Variants in DSCAM observed in about 807,000 individuals in gnomAD.
DSCAM encodes the protein cell adhesion molecule DSCAM.
Under a neutral mutation model 217.7 loss-of-function variants are expected in DSCAM, and 47 were observed. The ratio of observed to expected loss-of-function variants is 0.22; its 90% CI spans 0.17 to 0.28. The LOEUF (loss-of-function observed/expected upper bound fraction) is 0.28, where lower values mean the gene tolerates loss of function less well. Ranked by LOEUF, DSCAM falls within the 10% of genes least tolerant of loss-of-function variation. The pLI, the probability that DSCAM is intolerant of heterozygous loss-of-function variation, is 1.00. For missense variants in DSCAM, 2,080 were observed against 2,618.3 expected (o/e 0.79, Z 4.49); for synonymous variants, 1,056 against 1,015.3 (o/e 1.04, Z -0.76).
chr21:40,373,558 G>A (rs538843302), intron 3 of DSCAM, among the ~76,000 whole-genome samples: 59 of 152,288 alleles, frequency 3.9e-4, no homozygotes, highest in African/African-American at 1.3e-3. Context: ...GATACCCAGG[G>A]AGGAAAACTG....
At chr21:40,382,469 A>C (rs2075036255) in intron 3 of DSCAM, among the ~76,000 whole-genome samples, 3 of 152,270 alleles carry the variant, frequency 2.0e-5, no homozygotes, top group Non-Finnish European at 4.4e-5. Context: ...TAATGGGAAT[A>C]GCAGAGAAAG....
intron 11 of DSCAM, among the ~76,000 whole-genome samples, chr21:40,237,025 G>A: frequency 6.6e-6 from 1 of 152,206 alleles, no homozygotes; most frequent in African/African-American, 2.4e-5. Flanking sequence ...ATTCTGTGGA[G>A]ACTGTTCAGT....
At chr21:40,563,821 T>C (rs1020062979) in intron 3 of DSCAM, among the ~76,000 whole-genome samples, 2 of 143,376 alleles carry the variant, frequency 1.4e-5, no homozygotes, top group African/African-American at 5.6e-5. Context: ...TATATATAGT[T>C]ATATGTTTAT....
At chr21:40,756,181 G>C (rs2091274541) in intron 1 of DSCAM, among the ~76,000 whole-genome samples, 1 of 152,140 alleles carries the variant, frequency 6.6e-6, no homozygotes, top group Admixed American at 6.5e-5. Flanking sequence ...GTGAGTTCTT[G>C]TGAGATCTGG....
intron 3 of DSCAM, among the ~76,000 whole-genome samples, chr21:40,482,054 G>T (rs530838391): frequency 6.6e-6 from 1 of 152,142 alleles, no homozygotes; most frequent in Non-Finnish European, 1.5e-5. Flanking sequence ...ACACCACTCC[G>T]GGGGGAAGAG....
At chr21:40,246,831 A>G (rs532009915) in intron 11 of DSCAM, among the ~76,000 whole-genome samples, 1 of 152,258 alleles carries the variant, frequency 6.6e-6, no homozygotes, top group East Asian at 1.9e-4. Flanking sequence ...CTGGTCACCT[A>G]TATGTGGCCT....
At chr21:40,724,111 T>C (rs974288284) in intron 1 of DSCAM, among the ~76,000 whole-genome samples, 1 of 152,170 alleles carries the variant, frequency 6.6e-6, no homozygotes, top group African/African-American at 2.4e-5. Flanking sequence ...GGGTTAAGTG[T>C]ACATTTTCAG....
intron 11 of DSCAM, among the ~76,000 whole-genome samples, chr21:40,270,206 G>A (rs931963964): frequency 6.6e-6 from 1 of 152,130 alleles, no homozygotes; most frequent in Non-Finnish European, 1.5e-5. Context: ...TACGTTCCCT[G>A]GATTCTTCCC....
chr21:40,610,014 G>A (rs1040195091), intron 3 of DSCAM, among the ~76,000 whole-genome samples: 4 of 152,156 alleles, frequency 2.6e-5, no homozygotes, highest in African/African-American at 4.8e-5. Context: ...ATAGGGAGAC[G>A]GACTATTTCT....
intron 15 of DSCAM, among the ~76,000 whole-genome samples, chr21:40,175,803 ACACACG>A (rs1481298367): frequency 9.9e-5 from 11 of 110,738 alleles, no homozygotes; most frequent in African/African-American, 1.7e-4. Flanking sequence ...ACACACACAC[ACACACG>A]CACACACACA....
At chr21:40,198,204 T>C (rs999786870) in intron 11 of DSCAM, among the ~76,000 whole-genome samples, 1 of 152,180 alleles carries the variant, frequency 6.6e-6, no homozygotes, top group Non-Finnish European at 1.5e-5. Context: ...ATGGAGGCTT[T>C]TGTTCAAAAA....
At chr21:40,657,850 T>C (rs2090093217) in intron 3 of DSCAM, among the ~76,000 whole-genome samples, 1 of 152,040 alleles carries the variant, frequency 6.6e-6, no homozygotes, top group African/African-American at 2.4e-5. Flanking sequence ...GAATGGAGAG[T>C]AAGGGACTGG....
intron 20 of DSCAM, among the ~76,000 whole-genome samples, chr21:40,095,886 CTAAAT>C (rs1390858510): frequency 1.3e-5 from 2 of 151,956 alleles, no homozygotes; most frequent in Non-Finnish European, 2.9e-5. Context: ...ACAAAAAGAC[CTAAAT>C]TAAACTCAAA....
chr21:40,370,322 C>G (rs948113262), intron 3 of DSCAM, among the ~76,000 whole-genome samples: 11 of 151,002 alleles, frequency 7.3e-5, no homozygotes, highest in Admixed American at 7.3e-4. Flanking sequence ...CTCAGTACAC[C>G]TCCTGCCACC....
At chr21:40,838,117 T>C (rs1323784370) in intron 1 of DSCAM, among the ~76,000 whole-genome samples, 1 of 152,214 alleles carries the variant, frequency 6.6e-6, no homozygotes, top group Non-Finnish European at 1.5e-5. Flanking sequence ...TCTTTTGTAT[T>C]TAAAAAAATA....
intron 3 of DSCAM, among the ~76,000 whole-genome samples, chr21:40,618,272 A>G (rs906963600): frequency 6.6e-6 from 1 of 152,208 alleles, no homozygotes; most frequent in East Asian, 1.9e-4. Context: ...ACATTTTAAA[A>G]TGTTACTGGG....
chr21:40,091,457 ACTT>A (rs2089608384), intron 21 of DSCAM, among the ~76,000 whole-genome samples: 1 of 151,906 alleles, frequency 6.6e-6, no homozygotes, highest in South Asian at 2.1e-4. Flanking sequence ...CTGACTGCTC[ACTT>A]CTTCTCTCTT....
chr21:40,760,347 G>A (rs1239834180), intron 1 of DSCAM, among the ~76,000 whole-genome samples: 2 of 152,056 alleles, frequency 1.3e-5, no homozygotes, highest in East Asian at 1.9e-4. Flanking sequence ...ATTGGCCCTT[G>A]CTTCACAGCT....
chr21:40,684,117 C>G (rs9977401), intron 3 of DSCAM, among the ~76,000 whole-genome samples: 133,728 of 151,172 alleles, frequency 0.88, 59,293 homozygotes, highest in East Asian at 1. Context: ...CCAGCTACTC[C>G]GGAGGCTGAG....
Sources: gnomAD v4.1 joint callset for allele counts (sites outside exome capture counted in the v4.1 genomes callset) on GRCh38, gnomAD v4.1.1 for gene constraint, MANE v1.5 for transcripts, NCBI Gene and HGNC (gene_info 2026-07-23, HGNC 2026-07-21) for gene names.